Variants in SMC6 observed in about 807,000 individuals in gnomAD.
The protein encoded by SMC6 is structural maintenance of chromosomes protein 6.
SMC6 carries 79 observed loss-of-function variants against 142.2 expected under a neutral mutation model. That is an observed-to-expected ratio of 0.56 (90% confidence interval 0.46 to 0.67). The LOEUF (loss-of-function observed/expected upper bound fraction) is 0.67. Ranked by LOEUF, SMC6 falls within the 30% of genes least tolerant of loss-of-function variation. The pLI, the probability that SMC6 is intolerant of heterozygous loss-of-function variation, is 0.00. For synonymous variants in SMC6, 411 were observed against 412.4 expected (o/e 1.00, Z 0.04); for missense variants, 1,072 against 1,284.0 (o/e 0.83, Z 2.52).
chr2:17,719,905 G>C (rs1367485085), intron 11 of SMC6, among the ~76,000 whole-genome samples: 1 of 152,156 alleles, frequency 6.6e-6, no homozygotes, highest in East Asian at 1.9e-4. Flanking sequence ...ACAGGAAAAA[G>C]CAAGCTAGGA....
At chr2:17,723,773 G>A (rs1247468522) in intron 9 of SMC6, among the ~76,000 whole-genome samples, 1 of 152,116 alleles carries the variant, frequency 6.6e-6, no homozygotes, top group Non-Finnish European at 1.5e-5. Context: ...TATGACCATG[G>A]CCAAAGCACA....
chr2:17,699,138 TC>T (rs565267313), intron 21 of SMC6, among the ~76,000 whole-genome samples: 272 of 152,226 alleles, frequency 1.8e-3, no homozygotes, highest in Non-Finnish European at 3.3e-3. Flanking sequence ...TTCCTGATGT[TC>T]CAAGATTCCC....
At chr2:17,721,067 T>C (rs1669346237) in intron 10 of SMC6, 29 bp from the exon 11 acceptor site, 6 of 1,613,090 alleles carry the variant, frequency 3.7e-6, no homozygotes, top group Non-Finnish European at 4.2e-6. Context: ...AGCAAATTGA[T>C]CAGATTAACA....
At chr2:17,712,346 G>A (rs1223984677) in intron 16 of SMC6, among the ~76,000 whole-genome samples, 2 of 152,148 alleles carry the variant, frequency 1.3e-5, no homozygotes, top group South Asian at 2.1e-4. Context: ...GCTCAGGAGA[G>A]GGCTGAAATA....
chr2:17,701,615 AATT>A (rs372516609), intron 20 of SMC6, among the ~76,000 whole-genome samples: 362 of 152,258 alleles, frequency 2.4e-3, no homozygotes, highest in African/African-American at 8.4e-3. Context: ...AGACAAAATC[AATT>A]ATTATGCATG....
intron 25 of SMC6, 91 bp downstream of exon 25, chr2:17,678,766 ACT>A: frequency 1.2e-6 from 1 of 862,474 alleles, no homozygotes; most frequent in Non-Finnish European, 1.8e-6. Flanking sequence ...ACAGAGTAAG[ACT>A]CTGCCTCTAA....
Position 17,696,414 on chromosome 2 carries a change from G to C in SMC6, c.2407C>G (p.Leu803Val). The change falls in exon 22 of 28, where the codon CTT (leucine) becomes GTT (valine). Residue 803 changes from leucine (L) to valine (V), a missense_variant. By Grantham distance (32) the Leu-to-Val change is conservative. This residue lies in a region of SMC6 where 994 missense variants were observed against 1,153.2 expected (regional missense o/e 0.86). Transcript: ENST00000448223. ...TGGTTATCCACTTCAGAATCAGCAA[G>C]GTTTAATTCATCCTGTTTGAACAAA... ...LADPLKDELN[L>V]ADSEVDNQKR... is the part of the protein sequence containing the mutation. The C allele has an allele frequency of 6.2e-7, 1 of 1,605,716 alleles. No individual in the cohort carries two copies.
chr2:17,733,315 G>A (rs896227928), intron 5 of SMC6, among the ~76,000 whole-genome samples: 20 of 152,166 alleles, frequency 1.3e-4, no homozygotes, highest in Non-Finnish European at 2.8e-4. Flanking sequence ...GCTTAGCAAC[G>A]ATATAATTTT....
intron 22 of SMC6, 149 bp from the exon 23 acceptor site, chr2:17,695,446 T>C (rs1267205343): frequency 3.1e-6 from 2 of 645,538 alleles, no homozygotes; most frequent in Non-Finnish European, 5.0e-6. Flanking sequence ...TATTTATATT[T>C]ATCTAAGTTT....
At chr2:17,721,109 A>T (rs1558362025) in intron 10 of SMC6, 33 bp downstream of exon 10, 1 of 1,611,566 alleles carries the variant, frequency 6.2e-7, no homozygotes, top group Non-Finnish European at 8.5e-7. Flanking sequence ...CATATCACAT[A>T]GATACGTGAA....
At chr2:17,724,411 T>C (rs1483941940) in intron 9 of SMC6, among the ~76,000 whole-genome samples, 1 of 152,224 alleles carries the variant, frequency 6.6e-6, no homozygotes, top group Non-Finnish European at 1.5e-5. Context: ...TATAACATAA[T>C]GAATTTGACT....
At position 17,731,869 on chromosome 2, in the gene SMC6, T is replaced by C; in HGVS notation, c.353A>G (p.Asp118Gly). 2 of 1,613,270 alleles carry C rather than the reference T, an allele frequency of 1.2e-6. No homozygotes were observed. Among genetic ancestry groups the C allele is most frequent in the South Asian group, 1.1e-5 (1 of 90,970 alleles). The change falls in exon 6 of 28, where the codon GAT (aspartate) becomes GGT (glycine). Residue 118 changes from aspartate to glycine, a missense_variant. Around this residue, in one of 3 missense-constraint regions of SMC6, gnomAD observed 994 missense variants for 1,153.2 expected, o/e 0.86. Transcript: ENST00000448223. ...TCTGTTCCTCAATGTTATTGAGATATCTGCAGAGCTGAAAGAATGAGGTTG... is the reference window on the plus strand; with the variant it reads ...TCTGTTCCTCAATGTTATTGAGATACCTGCAGAGCTGAAAGAATGAGGTTG... ...GFVKDGQNSA[D>G]ISITLRNRGD...
intron 23 of SMC6, among the ~76,000 whole-genome samples, chr2:17,690,697 C>T (rs1667664105): frequency 6.6e-6 from 1 of 151,052 alleles, no homozygotes; most frequent in Non-Finnish European, 1.5e-5. Context: ...ACCGAATAGA[C>T]AAAAAAGTAC....
rs1338412034 is a variant in SMC6 at position 17,691,960 on chromosome 2, T to G, written c.2678+3192A>C. On this transcript the variant is annotated intron_variant, in intron 23 of 27. Coordinates refer to ENST00000448223, the MANE Select transcript of SMC6 (RefSeq NM_001142286.2). ...TGAGTGAACTCCCATTCACAATTGCTTCAAAGAGAATAAAATACCTAGGAA... is the reference window on the plus strand; with the variant it reads ...TGAGTGAACTCCCATTCACAATTGCGTCAAAGAGAATAAAATACCTAGGAA... 2.0e-5 allele frequency among the ~76,000 whole-genome samples: 3 copies of G among 152,166 alleles called. No homozygotes were observed. The East Asian group carries it at 5.8e-4, about 29-fold the overall frequency.
rs537346276 is a variant in SMC6 at position 17,718,867 on chromosome 2, G to A, written c.946-644C>T. ...TTAATCTTCTTGACAACAGGAAGAC[G>A]ACCTAAGTCTGTCTCTTATCTCCTA... On this transcript the variant is annotated intron_variant, in intron 11 of 27. Transcript: ENST00000448223. Among the ~76,000 whole-genome samples, 9 of 152,244 alleles carry A rather than the reference G, an allele frequency of 5.9e-5. No individual in the cohort carries two copies. The East Asian group carries it at 1.5e-3, about 26-fold the overall frequency.
At chr2:17,741,204 T>C (rs1005775181) in intron 4 of SMC6, among the ~76,000 whole-genome samples, 5 of 152,194 alleles carry the variant, frequency 3.3e-5, no homozygotes, top group African/African-American at 1.2e-4. Flanking sequence ...AAATACCACC[T>C]CCTCTTAAAG....
intron 24 of SMC6, chr2:17,680,343 G>C (rs1667184905): frequency 6.6e-6 from 1 of 151,960 alleles, no homozygotes; most frequent in African/African-American, 2.4e-5. Flanking sequence ...CACATTTTTT[G>C]GTTTCCCACT....
At chr2:17,753,371 C>CCTGGGAGGGGACGGCCGCCCG (rs1487450769) in intron 1 of SMC6, among the ~76,000 whole-genome samples, 1 of 51,442 alleles carries the variant, frequency 1.9e-5, no homozygotes, top group African/African-American at 1.3e-4. Flanking sequence ...GGGGACGGCC[C>CCTGGGAGGGGACGGCCGCCCG]GGAGCAGACG....
At chr2:17,732,874 G>A (rs1669977680) in intron 5 of SMC6, among the ~76,000 whole-genome samples, 1 of 151,858 alleles carries the variant, frequency 6.6e-6, no homozygotes, top group South Asian at 2.1e-4. Context: ...AGATGTTTTA[G>A]GGACTTACAG....
Sources: gnomAD v4.1 joint callset for allele counts (sites outside exome capture counted in the v4.1 genomes callset) on GRCh38, gnomAD v4.1.1 for gene constraint, gnomAD v4.1.1 regional missense constraint, MANE v1.5 for transcripts, NCBI Gene and HGNC (gene_info 2026-07-23, HGNC 2026-07-21) for gene names.